The following ARB2A variants were observed in gnomAD, a reference collection of about 807,000 sequenced individuals.
The protein encoded by ARB2A is ARB2 cotranscriptional regulator A, also known as cotranscriptional regulator ARB2A.
At chr5:94,012,242 C>A in the ARB2A span, among the ~76,000 whole-genome samples, 26 of 152,108 alleles carry the variant, frequency 1.7e-4, no homozygotes, top group East Asian at 9.7e-4. Flanking sequence ...CTCTACTAAA[C>A]ATACAAAAAA....
At chr5:94,104,682 T>G in the ARB2A span, among the ~76,000 whole-genome samples, 1 of 151,858 alleles carries the variant, frequency 6.6e-6, no homozygotes, top group Non-Finnish European at 1.5e-5. Flanking sequence ...ACCATAACTT[T>G]GTAGAAACAC....
the ARB2A span, among the ~76,000 whole-genome samples, chr5:93,996,360 T>A: frequency 2.0e-5 from 3 of 152,058 alleles, no homozygotes; most frequent in African/African-American, 4.8e-5. Context: ...AATAATTTTG[T>A]AAAATTATTA....
chr5:93,894,370 C>A, the ARB2A span, among the ~76,000 whole-genome samples: 1 of 151,844 alleles, frequency 6.6e-6, no homozygotes, highest in Non-Finnish European at 1.5e-5. Context: ...TTCTTATTAA[C>A]CCCAATGCCT....
chr5:93,851,709 T>G, the ARB2A span, among the ~76,000 whole-genome samples: 1 of 152,138 alleles, frequency 6.6e-6, no homozygotes, highest in Non-Finnish European at 1.5e-5. Flanking sequence ...TGGTGTTTGG[T>G]TTTTTGTTCT....
At chr5:93,916,689 C>A in the ARB2A span, among the ~76,000 whole-genome samples, 6 of 152,020 alleles carry the variant, frequency 3.9e-5, no homozygotes, top group African/African-American at 1.2e-4. Context: ...CCCTCAGAAC[C>A]CCCTAAACTA....
the ARB2A span, among the ~76,000 whole-genome samples, chr5:93,965,506 G>C: frequency 3.3e-5 from 5 of 151,884 alleles, no homozygotes; most frequent in African/African-American, 1.2e-4. Context: ...GTTGCTTTAA[G>C]CCTCTAAATT....
the ARB2A span, among the ~76,000 whole-genome samples, chr5:93,972,318 T>C: frequency 6.6e-6 from 1 of 152,066 alleles, no homozygotes. Context: ...AACAAACCTA[T>C]CTATATCCAA....
At chr5:94,036,108 T>G in the ARB2A span, among the ~76,000 whole-genome samples, 1 of 152,224 alleles carries the variant, frequency 6.6e-6, no homozygotes, top group Admixed American at 6.5e-5. Context: ...AGAAGGACAA[T>G]GTACTGACTC....
chr5:93,996,236 C>G, the ARB2A span, among the ~76,000 whole-genome samples: 1 of 151,972 alleles, frequency 6.6e-6, no homozygotes, highest in Non-Finnish European at 1.5e-5. Flanking sequence ...TACACATGCA[C>G]AAGTATACAT....
At chr5:93,793,239 A>ATTTTTTTTTTTTTTT in the ARB2A span, among the ~76,000 whole-genome samples, 2 of 64,780 alleles carry the variant, frequency 3.1e-5, 1 homozygote, top group Non-Finnish European at 5.9e-5. Flanking sequence ...CTTCTGGCTA[A>ATTTTTTTTTTTTTTT]TTTTTTTTTT....
At chr5:93,667,683 T>G in the ARB2A span, among the ~76,000 whole-genome samples, 1 of 152,170 alleles carries the variant, frequency 6.6e-6, no homozygotes, top group East Asian at 1.9e-4. Context: ...GGTCTTGAAC[T>G]CTTGGCCTAA....
the ARB2A span, among the ~76,000 whole-genome samples, chr5:93,934,803 T>C: frequency 6.6e-6 from 1 of 152,132 alleles, no homozygotes; most frequent in Non-Finnish European, 1.5e-5. Context: ...TTGATGATAT[T>C]GTTGCACCTT....
chr5:93,696,033 C>T, the ARB2A span, among the ~76,000 whole-genome samples: 7 of 145,136 alleles, frequency 4.8e-5, no homozygotes, highest in East Asian at 2.3e-4. Context: ...CGGGGTCTGT[C>T]GGGGGGTGGG....
At chr5:93,729,115 T>G in the ARB2A span, among the ~76,000 whole-genome samples, 1 of 152,084 alleles carries the variant, frequency 6.6e-6, no homozygotes, top group Non-Finnish European at 1.5e-5. Flanking sequence ...GCTCTCTGTC[T>G]GTCTTTCTCT....
the ARB2A span, among the ~76,000 whole-genome samples, chr5:93,937,913 G>A: frequency 6.6e-6 from 1 of 152,188 alleles, no homozygotes; most frequent in South Asian, 2.1e-4. Flanking sequence ...AAAAAAGTCT[G>A]TATATATTTA....
At chr5:94,061,633 T>C in the ARB2A span, among the ~76,000 whole-genome samples, 362 of 152,316 alleles carry the variant, frequency 2.4e-3, no homozygotes, top group African/African-American at 8.2e-3. Context: ...CAAAACTTAA[T>C]TGTATTTTCA....
At chr5:93,985,801 G>A in the ARB2A span, among the ~76,000 whole-genome samples, 5 of 152,184 alleles carry the variant, frequency 3.3e-5, no homozygotes, top group South Asian at 1.0e-3. Context: ...CGCCTGCCTT[G>A]GCCTCCCAAA....
chr5:93,720,611 A>G, the ARB2A span, among the ~76,000 whole-genome samples: 8 of 152,308 alleles, frequency 5.3e-5, no homozygotes, highest in East Asian at 1.5e-3. Flanking sequence ...AAAATCTTCA[A>G]CTGATACTAG....
the ARB2A span, among the ~76,000 whole-genome samples, chr5:94,038,383 C>T: frequency 1.3e-5 from 2 of 152,012 alleles, no homozygotes. Context: ...CCACTTCACA[C>T]CACTCTCCCA....
Sources: allele counts gnomAD v4.1 joint callset (sites outside exome capture counted in the v4.1 genomes callset), GRCh38; gene constraint gnomAD v4.1.1; transcripts MANE v1.5; gene names NCBI Gene and HGNC (gene_info 2026-07-23, HGNC 2026-07-21).